CNTNAP2: variants seen among roughly 807,000 people sequenced by gnomAD.
CNTNAP2 encodes the protein contactin-associated protein-like 2.
Under a neutral mutation model 155.2 loss-of-function variants are expected in CNTNAP2, and 98 were observed. The observed-to-expected ratio is 0.63, with a 90% CI of 0.54 to 0.75. The LOEUF (loss-of-function observed/expected upper bound fraction) is 0.75, where lower values mean the gene tolerates loss of function less well. Ranked by LOEUF, CNTNAP2 falls within the 30% of genes least tolerant of loss-of-function variation. CNTNAP2 has a pLI of 0.00. For missense variants in CNTNAP2, 1,727 were observed against 1,688.1 expected (o/e 1.02, Z -0.40); for synonymous variants, 651 against 631.2 (o/e 1.03, Z -0.47).
chr7:146,855,343 A>G (rs1372123786), intron 3 of CNTNAP2, among the ~76,000 whole-genome samples: 1 of 152,152 alleles, frequency 6.6e-6, no homozygotes, highest in Admixed American at 6.6e-5. Context: ...ATTTAGTCTA[A>G]TTATACAGCT....
intron 12 of CNTNAP2, among the ~76,000 whole-genome samples, chr7:147,633,053 T>C (rs1320066921): frequency 6.6e-6 from 1 of 152,210 alleles, no homozygotes; most frequent in Non-Finnish European, 1.5e-5. Context: ...TGCAGAAATT[T>C]GCACAAGCAG....
intron 21 of CNTNAP2, among the ~76,000 whole-genome samples, chr7:148,321,400 G>A (rs537290704): frequency 1.2e-4 from 18 of 152,322 alleles, no homozygotes; most frequent in Admixed American, 5.2e-4. Context: ...GGGCTTGGGG[G>A]TGGACAGAGG....
At chr7:147,456,609 G>A (rs949326172) in intron 10 of CNTNAP2, among the ~76,000 whole-genome samples, 8 of 152,098 alleles carry the variant, frequency 5.3e-5, no homozygotes, top group African/African-American at 1.9e-4. Flanking sequence ...AAACATCTCA[G>A]TAGAGAACCT....
chr7:147,701,420 C>A (rs1446406970), intron 13 of CNTNAP2, among the ~76,000 whole-genome samples: 2 of 152,050 alleles, frequency 1.3e-5, no homozygotes, highest in African/African-American at 4.8e-5. Context: ...AAGAATACAG[C>A]CAATAAAAGC....
chr7:147,304,297 A>G lies in CNTNAP2; in HGVS notation c.1498+4007A>G, dbSNP rs191775342. Among the ~76,000 whole-genome samples, 23 of 152,204 alleles carry G rather than the reference A, an allele frequency of 1.5e-4. No homozygotes were observed. The East Asian group carries it at 3.1e-3, about 20-fold the overall frequency. On this transcript the variant is annotated intron_variant, in intron 9 of 23. Transcript: ENST00000361727. ...TAAAGTGTGTTTTAGCTGCTTTAAC[A>G]TGTTTTATTTTCCTCCAACTAGAAT...
chr7:146,303,792 G>A (rs975356873), intron 1 of CNTNAP2, among the ~76,000 whole-genome samples: 1 of 152,124 alleles, frequency 6.6e-6, no homozygotes, highest in African/African-American at 2.4e-5. Context: ...TCTGCTTGGT[G>A]CAGAGCTGAG....
intron 14 of CNTNAP2, among the ~76,000 whole-genome samples, chr7:147,928,015 T>C (rs1489221965): frequency 6.6e-6 from 1 of 152,226 alleles, no homozygotes; most frequent in Non-Finnish European, 1.5e-5. Context: ...CATTGAATTA[T>C]GGGGCAGTTT....
chr7:148,278,114 A>G (rs1445297811), intron 21 of CNTNAP2, among the ~76,000 whole-genome samples: 4 of 152,202 alleles, frequency 2.6e-5, no homozygotes, highest in African/African-American at 9.6e-5. Context: ...ATAGTCGAGG[A>G]GAAGAGAAAC....
chr7:146,117,693 T>C (rs1190006447), intron 1 of CNTNAP2, among the ~76,000 whole-genome samples: 2 of 151,940 alleles, frequency 1.3e-5, no homozygotes, highest in East Asian at 1.9e-4. Flanking sequence ...TTTAATCAAC[T>C]GTGTGTGTGT....
intron 13 of CNTNAP2, among the ~76,000 whole-genome samples, chr7:147,668,692 CTGTT>C (rs1390900884): frequency 1.3e-5 from 2 of 151,926 alleles, no homozygotes; most frequent in Non-Finnish European, 2.9e-5. Flanking sequence ...TTTTGTACGG[CTGTT>C]TGTGTTTCAA....
At chr7:147,316,423 C>T (rs1795234914) in intron 9 of CNTNAP2, among the ~76,000 whole-genome samples, 1 of 151,950 alleles carries the variant, frequency 6.6e-6, no homozygotes, top group Admixed American at 6.6e-5. Flanking sequence ...TTAGCATCAT[C>T]AAGGGACAAG....
intron 8 of CNTNAP2, among the ~76,000 whole-genome samples, chr7:147,145,459 T>G (rs1011885649): frequency 7.2e-5 from 11 of 152,170 alleles, no homozygotes; most frequent in African/African-American, 9.7e-5. Flanking sequence ...AAGGTTTATT[T>G]GTCACCAAAT....
intron 15 of CNTNAP2, among the ~76,000 whole-genome samples, chr7:148,021,419 C>T (rs1325010640): frequency 1.3e-5 from 2 of 152,128 alleles, no homozygotes; most frequent in Non-Finnish European, 2.9e-5. Flanking sequence ...CCCAGGGTGG[C>T]CCAAGTAGAC....
At chr7:147,761,174 G>C (rs1183530438) in intron 13 of CNTNAP2, among the ~76,000 whole-genome samples, 1 of 152,178 alleles carries the variant, frequency 6.6e-6, no homozygotes, top group Non-Finnish European at 1.5e-5. Flanking sequence ...AAAGTTATCT[G>C]AAATGGTATT....
intron 1 of CNTNAP2, among the ~76,000 whole-genome samples, chr7:146,533,940 AAAGTT>A (rs1417544541): frequency 6.6e-6 from 1 of 152,294 alleles, no homozygotes; most frequent in African/African-American, 2.4e-5. Flanking sequence ...CATAAATATT[AAAGTT>A]AAGTTAGAAA....
intron 1 of CNTNAP2, among the ~76,000 whole-genome samples, chr7:146,678,696 A>G (rs1800447249): frequency 6.6e-6 from 1 of 152,174 alleles, no homozygotes; most frequent in African/African-American, 2.4e-5. Context: ...GGTTTATGAA[A>G]TCATCTAATT....
intron 1 of CNTNAP2, among the ~76,000 whole-genome samples, chr7:146,601,955 A>T (rs1260169336): frequency 1.3e-5 from 2 of 152,154 alleles, no homozygotes; most frequent in Non-Finnish European, 2.9e-5. Context: ...AAGTAAAAAA[A>T]ATAAATAAAT....
chr7:146,888,432 C>T (rs1431538264), intron 3 of CNTNAP2, among the ~76,000 whole-genome samples: 2 of 151,956 alleles, frequency 1.3e-5, no homozygotes, highest in East Asian at 3.9e-4. Flanking sequence ...TTGTATTTTA[C>T]TCTATCATTT....
chr7:148,026,765 AT>A (rs1341169446), intron 15 of CNTNAP2, among the ~76,000 whole-genome samples: 2 of 152,164 alleles, frequency 1.3e-5, no homozygotes, highest in African/African-American at 4.8e-5. Context: ...TAGAACCCTA[AT>A]CCTCTTGCTA....
Sources: allele counts gnomAD v4.1 joint callset (sites outside exome capture counted in the v4.1 genomes callset), GRCh38; gene constraint gnomAD v4.1.1; transcripts MANE v1.5; gene names NCBI Gene and HGNC (gene_info 2026-07-23, HGNC 2026-07-21).